AXIN1: variants seen among roughly 807,000 people sequenced by gnomAD.
The protein encoded by AXIN1 is axin-1.
Under a neutral mutation model 76.4 loss-of-function variants are expected in AXIN1, and 30 were observed. The observed-to-expected ratio is 0.39, with a 90% CI of 0.29 to 0.53. The LOEUF (loss-of-function observed/expected upper bound fraction) is 0.53. Among genes scored for constraint, AXIN1 ranks in the 20% least tolerant of loss-of-function variants. The pLI is 0.66. For missense variants in AXIN1, 1,140 were observed against 1,198.8 expected, an observed-to-expected ratio of 0.95 and a Z score of 0.72; for synonymous variants, 545 against 501.4, an observed-to-expected ratio of 1.09 and a Z score of -1.16.
intron 2 of AXIN1, among the ~76,000 whole-genome samples, chr16:325,519 G>A (rs950499006): frequency 3.3e-5 from 5 of 152,212 alleles, no homozygotes; most frequent in African/African-American, 9.6e-5. Flanking sequence ...CAACAGCCAG[G>A]CCACAGCCAG....
At chr16:321,604 G>A (rs889096483) in intron 2 of AXIN1, among the ~76,000 whole-genome samples, 5 of 152,136 alleles carry the variant, frequency 3.3e-5, no homozygotes, top group South Asian at 4.1e-4. Context: ...TCCAACCCAC[G>A]AAGGGTTAAA....
chr16:307,931 G>A (rs994217945), intron 4 of AXIN1, among the ~76,000 whole-genome samples: 2 of 152,228 alleles, frequency 1.3e-5, no homozygotes, highest in Non-Finnish European at 2.9e-5. Flanking sequence ...CCGTGATGTG[G>A]GTTTCTCACT....
At chr16:321,862 C>T (rs567837891) in intron 2 of AXIN1, among the ~76,000 whole-genome samples, 10 of 152,332 alleles carry the variant, frequency 6.6e-5, no homozygotes, top group South Asian at 4.1e-4. Flanking sequence ...CCTTGCCCTT[C>T]GTTGACGGGC....
chr16:301,800 G>T (rs2052881510), intron 5 of AXIN1, among the ~76,000 whole-genome samples: 1 of 152,152 alleles, frequency 6.6e-6, no homozygotes, highest in African/African-American at 2.4e-5. Context: ...CAACAAAACA[G>T]CAAAGGCTTC....
chr16:291,746 C>T (rs2052566877), intron 8 of AXIN1: 11 of 306,634 alleles, frequency 3.6e-5, no homozygotes, highest in South Asian at 3.1e-4. Flanking sequence ...GGCGCCACAA[C>T]TGAGGCCATC....
rs34015754 is a variant in AXIN1 at position 288,189 on chromosome 16, C to G, written c.2522G>C (p.Arg841Pro). 1.2e-6 allele frequency: 2 copies of G among 1,613,708 alleles called. No homozygotes were observed. Among genetic ancestry groups the G allele is most frequent in the South Asian group, 1.1e-5 (1 of 91,090 alleles). Residue 841 changes from arginine (R) to proline (P), a missense_variant, in exon 11 of 11, where the codon CGA (arginine) becomes CCA (proline). Coordinates refer to ENST00000262320, the MANE Select transcript of AXIN1 (RefSeq NM_003502.4). Reference protein sequence around the residue: ...FDCGVVFEEVREDEAVLPVFE... With the variant: ...FDCGVVFEEVPEDEAVLPVFE... ...GACGGGCAGGACGGCCTCGTCCTCT[C>G]GAACCTCCTCAAACACCACCCCACA... is the stretch of plus-strand genomic sequence containing the variant.
At chr16:331,170 C>T (rs1030897122) in intron 2 of AXIN1, among the ~76,000 whole-genome samples, 5 of 152,182 alleles carry the variant, frequency 3.3e-5, no homozygotes, top group African/African-American at 1.2e-4. Flanking sequence ...ATAACAACTT[C>T]TGAAAGCCAC....
rs1331147069 is a variant in AXIN1, at chr16:297,723, T to C, written c.1783A>G (p.Ser595Gly). 5 of 1,597,366 alleles carry C rather than the reference T, an allele frequency of 3.1e-6. No individual in the cohort carries two copies. Among genetic ancestry groups the C allele is most frequent in the Non-Finnish European group, 4.3e-6 (5 of 1,175,282 alleles). The change falls in exon 6 of 11, where the codon AGT (serine) becomes GGT (glycine). Residue 595 changes from serine to glycine, a missense_variant and splice_region_variant. By Grantham distance (56) the Ser-to-Gly change is moderately conservative (BLOSUM62 0). This residue lies in a region of AXIN1 where 429 missense variants were observed against 405.8 expected (regional missense o/e 1.06). Coordinates refer to ENST00000262320, the MANE Select transcript of AXIN1 (RefSeq NM_003502.4). ...CCTCACTGACAGGCGCACGCTCACC[T>C]GTGGGCGAGGCCATCACTGGCGTTG... ...APNASDGLAH[S>G]GKVGVACKRN... is the part of the protein sequence containing the mutation.
At chr16:324,737 C>A (rs1166106032) in intron 2 of AXIN1, among the ~76,000 whole-genome samples, 1 of 152,164 alleles carries the variant, frequency 6.6e-6, no homozygotes, top group Non-Finnish European at 1.5e-5. Flanking sequence ...CAGACACGGC[C>A]AGTGCCATCA....
At position 344,154 on chromosome 16, in the gene AXIN1, C is replaced by G. The variant is rs112190566; in HGVS notation, c.878+1994G>C. On this transcript the variant is annotated intron_variant, in intron 2 of 10. Transcript: ENST00000262320. ...ACAATGAACAAAAGGGAAAAAAGGC[C>G]GGGCGTGGTGGCCCACGTCTGTAAT... Among the ~76,000 whole-genome samples, 4 of 151,946 alleles carry G rather than the reference C, an allele frequency of 2.6e-5. No individual in the cohort carries two copies. The East Asian group carries it at 7.8e-4, about 29-fold the overall frequency.
intron 1 of AXIN1, among the ~76,000 whole-genome samples, chr16:352,103 G>A (rs555852834): frequency 6.6e-6 from 1 of 152,114 alleles, no homozygotes; most frequent in East Asian, 1.9e-4. Context: ...GGCGGGGAGG[G>A]CTCCAGGCCC....
chr16:329,726 C>T (rs953065612), intron 2 of AXIN1, among the ~76,000 whole-genome samples: 1 of 152,114 alleles, frequency 6.6e-6, no homozygotes, highest in East Asian at 1.9e-4. Context: ...CAGGTTCACG[C>T]CATTCTCCTG....
At chr16:349,114 T>C (rs1198472247) in intron 1 of AXIN1, among the ~76,000 whole-genome samples, 1 of 147,796 alleles carries the variant, frequency 6.8e-6, no homozygotes, top group Non-Finnish European at 1.5e-5. Flanking sequence ...AAAAATAAAA[T>C]AAAATAAAAT....
Position 293,691 on chromosome 16 carries a change from G to A in AXIN1, c.1983C>T (p.Pro661=), listed in dbSNP as rs79781539. ...HGSSGTRKPQ[P]HENSRPLSLE... is the part of the protein sequence containing the mutation. ...GGGACAAGGGTCTGGAGTTCTCATG[G>A]GGCTGTGGCTTCCTCGTCCCCGAAG... Residue 661 remains proline (P), a synonymous_variant, in exon 8 of 11, where the codon CCC becomes CCT. Coordinates refer to ENST00000262320, the MANE Select transcript of AXIN1 (RefSeq NM_003502.4). The surrounding 1 kb of genome is among the most constrained non-coding windows in gnomAD (Gnocchi z 4.6). 6,434 of 1,613,670 alleles carry A rather than the reference G, an allele frequency of 4.0e-3. 212 individuals are homozygous for A. The African/African-American group carries it at 0.076, about 19-fold the overall frequency.
At chr16:297,340 G>GCCCGCTGTCCCCTGCCCGCTTGTCCCCCA in intron 6 of AXIN1, 114 bp from the exon 7 acceptor site, 1 of 1,393,054 alleles carries the variant, frequency 7.2e-7, no homozygotes, top group Non-Finnish European at 9.9e-7. Context: ...TGCAGCCGCC[G>GCCCGCTGTCCCCTGCCCGCTTGTCCCCCA]CCCGCTGTCC....
chr16:306,101 T>C (rs1196585903), intron 4 of AXIN1, among the ~76,000 whole-genome samples: 1 of 152,130 alleles, frequency 6.6e-6, no homozygotes, highest in Non-Finnish European at 1.5e-5. Context: ...TATCATCCCC[T>C]TACCGGCAGG....
chr16:328,491 T>C (rs2053626636), intron 2 of AXIN1, among the ~76,000 whole-genome samples: 1 of 150,394 alleles, frequency 6.6e-6, no homozygotes, highest in Non-Finnish European at 1.5e-5. Flanking sequence ...AGGTTGGGAG[T>C]TCGCAACCAG....
intron 2 of AXIN1, among the ~76,000 whole-genome samples, chr16:330,715 TA>T (rs2053675819): frequency 6.6e-6 from 1 of 152,164 alleles, no homozygotes; most frequent in Admixed American, 6.5e-5. Flanking sequence ...TGGTAACATT[TA>T]AAAAGTAGAA....
chr16:321,635 T>C (rs1382159768), intron 2 of AXIN1, among the ~76,000 whole-genome samples: 1 of 151,138 alleles, frequency 6.6e-6, no homozygotes, highest in East Asian at 2.0e-4. Flanking sequence ...GCTGGGAATA[T>C]GAGGTAGGTG....
Sources: gnomAD v4.1 joint callset for allele counts (sites outside exome capture counted in the v4.1 genomes callset) on GRCh38, gnomAD v4.1.1 for gene constraint, gnomAD v4.1.1 regional missense constraint, Gnocchi (gnomAD v3.1) non-coding constraint, MANE v1.5 for transcripts, NCBI Gene and HGNC (gene_info 2026-07-23, HGNC 2026-07-21) for gene names.